Variants in OXSR1 observed in about 807,000 individuals in gnomAD.
OXSR1 encodes oxidative stress responsive kinase 1.
A neutral mutation model predicts 79.8 loss-of-function variants in OXSR1; 24 were observed. The observed-to-expected ratio is 0.30, with a 90% CI of 0.22 to 0.42. OXSR1 has a LOEUF of 0.42. OXSR1 is among the 10% of genes least tolerant of loss of function. The pLI is 1.00. For synonymous variants in OXSR1, 226 were observed against 209.2 expected (o/e 1.08, Z -0.69); for missense variants, 430 against 618.4 (o/e 0.70, Z 3.23).
In OXSR1 at chr3:38,245,977, A is replaced by G. The variant is rs35559390; in HGVS notation, c.1111-98A>G. The G allele has an allele frequency of 5.6e-4, 607 of 1,077,142 alleles. No homozygotes were observed. In the African/African-American group the frequency reaches 7.4e-3, roughly 13 times the overall value. 66.7% of individuals were successfully genotyped at this position (1,077,142 alleles called of 1,614,324 possible). A position where few individuals can be genotyped will look rare whatever the true frequency, so the allele number is the denominator to read the frequency against. ...AAAACCTGTACACTACCCAAAAACT[A>G]CTTTGAAAATATCACCCTGAAAGGC... On this transcript the variant is annotated intron_variant, in intron 12 of 17. Transcript: ENST00000311806.
Position 38,253,122 on chromosome 3 carries a change from T to C in OXSR1, c.*231T>C. On this transcript the variant is annotated 3_prime_UTR_variant, in exon 18 of 18. Transcript: ENST00000311806. ...GAGTTCCGTTAGTAAACTTACTTCA[T>C]ATGTCCCCTGTCTTCCTCCATCTGA... is the stretch of plus-strand genomic sequence containing the variant. 1 of 541,908 alleles carries C rather than the reference T, an allele frequency of 1.8e-6. No homozygotes were observed. The highest frequency in any genetic ancestry group is 3.3e-6 in the Non-Finnish European group (1 of 303,462). The allele number at this position is 541,908 out of a possible 1,614,324, so 33.6% of individuals were successfully genotyped here.
intron 8 of OXSR1, among the ~76,000 whole-genome samples, chr3:38,226,829 A>G (rs750963723): frequency 3.3e-5 from 5 of 151,742 alleles, no homozygotes; most frequent in Non-Finnish European, 7.4e-5. Context: ...AGAGTATCCT[A>G]TACTAGATCC....
intron 1 of OXSR1, among the ~76,000 whole-genome samples, chr3:38,166,786 ACT>A (rs1701470874): frequency 3.1e-5 from 4 of 127,866 alleles, no homozygotes; most frequent in Admixed American, 8.1e-5. Context: ...CCTGACTCTG[ACT>A]CAAAAAAAAA....
rs1277706908 is a variant in OXSR1 at position 38,165,672 on chromosome 3, G to T, written c.-205G>T. On this transcript the variant is annotated 5_prime_UTR_variant, in exon 1 of 18. Coordinates refer to ENST00000311806, the MANE Select transcript of OXSR1 (RefSeq NM_005109.3). ...AGTGCCGGACTCGGAGGAGCAGGAG[G>T]CGAGGTCCGCCGGAGCTCTGAGCCC... is the stretch of plus-strand genomic sequence containing the variant. 1.9e-6 allele frequency: 1 copy of T among 537,152 alleles called. No individual in the cohort carries two copies. The highest frequency in any genetic ancestry group is 3.7e-5 in the Admixed American group (1 of 27,348). The allele number at this position is 537,152 out of a possible 1,614,324, so 33.3% of individuals were successfully genotyped here.
chr3:38,250,808 A>G (rs139201168), intron 15 of OXSR1, among the ~76,000 whole-genome samples: 4 of 152,290 alleles, frequency 2.6e-5, no homozygotes, highest in East Asian at 3.9e-4. Context: ...ATGTGTGGAC[A>G]CTGTCTCCAC....
intron 6 of OXSR1, among the ~76,000 whole-genome samples, chr3:38,222,938 A>C (rs976975002): frequency 6.6e-6 from 1 of 152,196 alleles, no homozygotes; most frequent in Non-Finnish European, 1.5e-5. Flanking sequence ...TTCACATAGA[A>C]TTAATAAATA....
At chr3:38,228,577 G>A (rs528854881) in intron 8 of OXSR1, among the ~76,000 whole-genome samples, 58 of 152,182 alleles carry the variant, frequency 3.8e-4, no homozygotes, top group African/African-American at 1.3e-3. Flanking sequence ...TTGTTTGTTC[G>A]TTTGTTTGTT....
chr3:38,224,747 T>G (rs1174435560), intron 8 of OXSR1, 43 bp downstream of exon 8: 1 of 1,353,508 alleles, frequency 7.4e-7, no homozygotes, highest in Non-Finnish European at 1.0e-6. Flanking sequence ...TAATAAAACA[T>G]TGTGAGAAGT....
intron 4 of OXSR1, among the ~76,000 whole-genome samples, chr3:38,203,521 AT>A (rs1240230624): frequency 6.6e-6 from 1 of 151,984 alleles, no homozygotes; most frequent in Non-Finnish European, 1.5e-5. Flanking sequence ...TTTAAAAAAA[AT>A]TTTTTTTGTA....
In OXSR1 at chr3:38,203,107, C is replaced by T. The variant is rs562418906; in HGVS notation, c.434+4244C>T. On this transcript the variant is annotated intron_variant, in intron 4 of 17. Coordinates refer to ENST00000311806, the MANE Select transcript of OXSR1 (RefSeq NM_005109.3). ...GTACCCCTGGTTCCTCTTTGAAGTT[C>T]GTAGTAGATAGCGGTAGAAGGAATA... Among the ~76,000 whole-genome samples the T allele has an allele frequency of 1.4e-4, 21 of 152,300 alleles. No individual in the cohort carries two copies. The East Asian group carries it at 3.1e-3, about 22-fold the overall frequency.
chr3:38,181,591 C>G (rs6786403), intron 1 of OXSR1, among the ~76,000 whole-genome samples: 2 of 152,040 alleles, frequency 1.3e-5, no homozygotes, highest in South Asian at 2.1e-4. Flanking sequence ...CTCCTGACCT[C>G]GTGATCCGCC....
intron 3 of OXSR1, among the ~76,000 whole-genome samples, chr3:38,196,749 T>C (rs1702078695): frequency 6.6e-6 from 1 of 152,354 alleles, no homozygotes; most frequent in East Asian, 1.9e-4. Flanking sequence ...TTGTTTCATC[T>C]ACCAGACTAG....
intron 3 of OXSR1, among the ~76,000 whole-genome samples, chr3:38,192,107 C>G (rs749727183): frequency 6.6e-6 from 1 of 152,030 alleles, no homozygotes; most frequent in African/African-American, 2.4e-5. Context: ...TTGGGTAGGG[C>G]CTTCACTTTT....
intron 1 of OXSR1, among the ~76,000 whole-genome samples, chr3:38,179,310 A>G (rs867064780): frequency 6.6e-6 from 1 of 151,900 alleles, no homozygotes; most frequent in African/African-American, 2.4e-5. Context: ...GATTACAGAC[A>G]TGAGCTCCCG....
chr3:38,191,412 C>A (rs1701983668), intron 3 of OXSR1, among the ~76,000 whole-genome samples: 1 of 151,896 alleles, frequency 6.6e-6, no homozygotes, highest in Admixed American at 6.6e-5. Context: ...TCCTCCCTTC[C>A]ATGATGTAAA....
intron 8 of OXSR1, among the ~76,000 whole-genome samples, chr3:38,228,725 C>T (rs778671322): frequency 3.9e-5 from 6 of 152,218 alleles, no homozygotes; most frequent in Non-Finnish European, 7.3e-5. Context: ...CGCACGCCAC[C>T]ATGCCCTGCT....
chr3:38,252,372 C>T lies in OXSR1; in HGVS notation c.1489C>T (p.Arg497Ter). The change falls in exon 17 of 18, where the codon CGA (arginine) becomes TGA (stop). Residue 497 changes from arginine to a stop codon, truncating the protein, a stop_gained. Coordinates refer to ENST00000311806, the MANE Select transcript of OXSR1 (RefSeq NM_005109.3). LOFTEE classifies it high-confidence loss of function. ...QKIVEEPQSN[R>*]SVTFKLASGV... is the part of the protein sequence containing the mutation. Reference sequence around the variant, plus strand: ...AATTGTGGAAGAACCTCAGTCAAATCGATCTGTCACTTTCAAACTGGTACT... The same window carrying T: ...AATTGTGGAAGAACCTCAGTCAAATTGATCTGTCACTTTCAAACTGGTACT... 2 of 1,611,162 alleles carry T rather than the reference C, an allele frequency of 1.2e-6. No individual in the cohort carries two copies. Among genetic ancestry groups the T allele is most frequent in the Non-Finnish European group, 1.7e-6 (2 of 1,177,420 alleles).
At chr3:38,189,918 A>G (rs1437352312) in intron 2 of OXSR1, among the ~76,000 whole-genome samples, 3 of 152,198 alleles carry the variant, frequency 2.0e-5, no homozygotes, top group African/African-American at 7.2e-5. Flanking sequence ...ACTATCCAGT[A>G]TTTTATGTAC....
At chr3:38,169,507 T>C (rs1701534309) in intron 1 of OXSR1, among the ~76,000 whole-genome samples, 1 of 152,016 alleles carries the variant, frequency 6.6e-6, no homozygotes, top group African/African-American at 2.4e-5. Context: ...GGTTTCACCA[T>C]ATTGGGCAGG....
Sources: gnomAD v4.1 joint callset for allele counts (sites outside exome capture counted in the v4.1 genomes callset) on GRCh38, gnomAD v4.1.1 for gene constraint, MANE v1.5 for transcripts, NCBI Gene and HGNC (gene_info 2026-07-23, HGNC 2026-07-21) for gene names.